The following STPG2 variants were observed in gnomAD, a reference collection of about 807,000 sequenced individuals.
The protein encoded by STPG2 is sperm tail PG-rich repeat containing 2.
Under a neutral mutation model 54.2 loss-of-function variants are expected in STPG2, and 56 were observed. The ratio of observed to expected loss-of-function variants is 1.03; its 90% CI spans 0.83 to 1.29. The LOEUF (loss-of-function observed/expected upper bound fraction) is 1.29. STPG2 is among the 50% of genes most tolerant of loss of function. The probability of loss-of-function intolerance (pLI) is 0.00; values close to 1 mark genes in which losing one functional copy is unlikely to be tolerated. For synonymous variants in STPG2, 200 were observed against 181.8 expected (o/e 1.10, Z -0.81); for missense variants, 596 against 544.9 (o/e 1.09, Z -0.93).
intron 7 of STPG2, among the ~76,000 whole-genome samples, chr4:97,955,510 C>T (rs960714806): frequency 3.3e-5 from 5 of 152,132 alleles, no homozygotes; most frequent in East Asian, 1.9e-4. Context: ...CCACCGCACC[C>T]GGCCTAATAC....
chr4:97,663,431 G>A (rs1209934746), intron 10 of STPG2, among the ~76,000 whole-genome samples: 2 of 152,026 alleles, frequency 1.3e-5, no homozygotes, highest in Non-Finnish European at 2.9e-5. Context: ...CCTAAAATTT[G>A]TTTATAAGAG....
At chr4:97,559,812 T>C (rs1447981943) in intron 10 of STPG2, among the ~76,000 whole-genome samples, 1 of 152,200 alleles carries the variant, frequency 6.6e-6, no homozygotes, top group East Asian at 1.9e-4. Flanking sequence ...TAATGTCCTT[T>C]TGACAAAAAG....
At chr4:97,703,363 G>T (rs1251271399) in intron 10 of STPG2, among the ~76,000 whole-genome samples, 1 of 145,652 alleles carries the variant, frequency 6.9e-6, no homozygotes, top group Non-Finnish European at 1.5e-5. Flanking sequence ...TATTAGTCAG[G>T]GTTCTCTAGA....
At chr4:98,125,422 C>G (rs1739801418) in intron 3 of STPG2, among the ~76,000 whole-genome samples, 2 of 152,028 alleles carry the variant, frequency 1.3e-5, no homozygotes, top group African/African-American at 4.8e-5. Flanking sequence ...ACATCAGGGC[C>G]CTCCTCTGTA....
intron 8 of STPG2, among the ~76,000 whole-genome samples, chr4:97,858,512 C>T: frequency 6.6e-6 from 1 of 152,128 alleles, no homozygotes; most frequent in East Asian, 1.9e-4. Context: ...GTCACCTGAG[C>T]AGTATACACT....
chr4:97,796,806 C>A (rs116304478), intron 9 of STPG2, among the ~76,000 whole-genome samples: 6,882 of 151,186 alleles, frequency 0.046, 207 homozygotes, highest in Middle Eastern at 0.075. Flanking sequence ...TGGTCATTTT[C>A]ATGATTCTTC....
At chr4:98,131,592 A>C (rs1423392686) in intron 2 of STPG2, among the ~76,000 whole-genome samples, 1 of 152,192 alleles carries the variant, frequency 6.6e-6, no homozygotes, top group East Asian at 1.9e-4. Context: ...AATATGAGCT[A>C]CATGAAAAAG....
At chr4:98,011,167 G>C (rs548304752) in intron 5 of STPG2, among the ~76,000 whole-genome samples, 23 of 152,002 alleles carry the variant, frequency 1.5e-4, no homozygotes, top group Non-Finnish European at 2.5e-4. Flanking sequence ...ATGTCCATGA[G>C]TTCTCATTGT....
At chr4:97,543,264 A>G (rs917177805) in intron 4 of STPG2, among the ~76,000 whole-genome samples, 1 of 151,762 alleles carries the variant, frequency 6.6e-6, no homozygotes, top group Non-Finnish European at 1.5e-5. Context: ...TCCCTATGGC[A>G]GAAACATGGG....
rs146953178 is a variant in STPG2 at position 97,496,934 on chromosome 4, T to C, written c.462+215765A>G. On this transcript the variant is annotated intron_variant, in intron 4 of 4. Transcript: ENST00000522676. ...ATTAAGAAAGAGAAAATAATATCCATATTAAAATGCTATTAAAAATAATCA... is the reference window on the plus strand; with the variant it reads ...ATTAAGAAAGAGAAAATAATATCCACATTAAAATGCTATTAAAAATAATCA... Among the ~76,000 whole-genome samples, 633 of 151,576 alleles carry C rather than the reference T, an allele frequency of 4.2e-3. 3 individuals are homozygous for C. Among genetic ancestry groups the C allele is most frequent in the South Asian group, 0.02 (96 of 4,812 alleles).
intron 5 of STPG2, among the ~76,000 whole-genome samples, chr4:98,024,698 TATATA>T (rs1212196656): frequency 1.3e-5 from 2 of 152,206 alleles, no homozygotes; most frequent in Non-Finnish European, 2.9e-5. Flanking sequence ...CCACTGATAT[TATATA>T]ACATTTGATA....
At chr4:97,638,726 C>G (rs1376508977) in intron 10 of STPG2, among the ~76,000 whole-genome samples, 5 of 147,148 alleles carry the variant, frequency 3.4e-5, no homozygotes, top group Admixed American at 6.7e-5. Context: ...TTTATGCAGC[C>G]AAAAAACACA....
chr4:97,542,989 G>T (rs937265379), intron 4 of STPG2, among the ~76,000 whole-genome samples: 4 of 152,020 alleles, frequency 2.6e-5, no homozygotes, highest in South Asian at 2.1e-4. Flanking sequence ...TGGGGAGAAG[G>T]GGGAGGGATA....
At chr4:97,456,271 A>G (rs1224388936) in intron 4 of STPG2, among the ~76,000 whole-genome samples, 1 of 152,108 alleles carries the variant, frequency 6.6e-6, no homozygotes, top group Non-Finnish European at 1.5e-5. Flanking sequence ...GAAACTTACA[A>G]TCATGGCGGA....
intron 8 of STPG2, among the ~76,000 whole-genome samples, chr4:97,897,510 T>C (rs1489069245): frequency 6.6e-6 from 1 of 152,166 alleles, no homozygotes; most frequent in Non-Finnish European, 1.5e-5. Flanking sequence ...TGAACTAATT[T>C]ACACTCCCAC....
intron 1 of STPG2, among the ~76,000 whole-genome samples, chr4:98,137,652 A>G (rs1352399441): frequency 6.6e-6 from 1 of 151,878 alleles, no homozygotes; most frequent in Non-Finnish European, 1.5e-5. Context: ...GGTAGTTGGC[A>G]TCAGAACACA....
chr4:97,773,028 C>A (rs184756211), intron 9 of STPG2, among the ~76,000 whole-genome samples: 2 of 152,094 alleles, frequency 1.3e-5, no homozygotes, highest in Non-Finnish European at 2.9e-5. Flanking sequence ...CAACAATATT[C>A]AAAAAGAGCT....
chr4:98,026,129 G>A (rs1736412046), intron 5 of STPG2: 15 of 1,467,452 alleles, frequency 1.0e-5, no homozygotes, highest in Middle Eastern at 2.5e-4. Flanking sequence ...AGAGAATCCA[G>A]TCTATGAAAA....
intron 10 of STPG2, among the ~76,000 whole-genome samples, chr4:97,587,487 A>G (rs562399023): frequency 3.3e-5 from 5 of 152,142 alleles, no homozygotes; most frequent in Admixed American, 6.6e-5. Flanking sequence ...CCAGAATTTT[A>G]AAAACAATAA....
Sources: gnomAD v4.1 joint callset for allele counts (sites outside exome capture counted in the v4.1 genomes callset) on GRCh38, gnomAD v4.1.1 for gene constraint, MANE v1.5 for transcripts, NCBI Gene and HGNC (gene_info 2026-07-23, HGNC 2026-07-21) for gene names.